The following CFAP54 variants were observed in gnomAD, a reference collection of about 807,000 sequenced individuals.
CFAP54 encodes the protein cilia- and flagella-associated protein 54.
A neutral mutation model predicts 370.4 loss-of-function variants in CFAP54; 290 were observed. The observed-to-expected ratio is 0.78, with a 90% CI of 0.71 to 0.86. CFAP54 has a LOEUF of 0.86. Ranked by LOEUF, CFAP54 falls within the 40% of genes least tolerant of loss-of-function variation. The pLI is 0.00. For synonymous variants in CFAP54, 1,206 were observed against 1,236.5 expected (o/e 0.98, Z 0.52); for missense variants, 3,399 against 3,528.7 (o/e 0.96, Z 0.93).
At chr12:96,626,017 C>T (rs1029665528) in intron 29 of CFAP54, among the ~76,000 whole-genome samples, 1 of 152,162 alleles carries the variant, frequency 6.6e-6, no homozygotes, top group African/African-American at 2.4e-5. Flanking sequence ...TCTGGAAAGA[C>T]AGAATCTTGA....
At position 96,784,836 on chromosome 12, in the gene CFAP54, C is replaced by T. The variant is rs975345166; in HGVS notation, c.8401C>T (p.Leu2801=). The change falls in exon 61 of 68, where the codon CTA becomes TTA. Residue 2801 remains leucine, a synonymous_variant. Transcript: ENST00000524981. The part of the protein sequence containing the change: ...QTKVDITWIL[L]LRYYIHLQRI... ...CAAAGTGGATATTACATGGATCCTTCTACTGCGCTACTATATTCACCTTCA... is the reference window on the plus strand; with the variant it reads ...CAAAGTGGATATTACATGGATCCTTTTACTGCGCTACTATATTCACCTTCA... 1.3e-6 allele frequency: 2 copies of T among 1,533,276 alleles called. No individual in the cohort carries two copies. Among genetic ancestry groups the T allele is most frequent in the Non-Finnish European group, 1.7e-6 (2 of 1,145,332 alleles). The allele number at this position is 1,533,276 out of a possible 1,614,324, so 95.0% of individuals were successfully genotyped here. A position where few individuals can be genotyped will look rare whatever the true frequency, so the allele number is the denominator to read the frequency against.
At chr12:96,527,549 GTTT>G (rs11309712) in intron 9 of CFAP54, 105 bp downstream of exon 9, 96 of 428,756 alleles carry the variant, frequency 2.2e-4, no homozygotes, top group South Asian at 6.1e-4. Flanking sequence ...CATTTATATT[GTTT>G]TTTTTTTTTT....
intron 26 of CFAP54, among the ~76,000 whole-genome samples, chr12:96,600,015 T>C (rs975951295): frequency 6.6e-6 from 1 of 152,206 alleles, no homozygotes; most frequent in African/African-American, 2.4e-5. Context: ...TTAGATTCCA[T>C]TTTTCTATTT....
intron 14 of CFAP54, among the ~76,000 whole-genome samples, chr12:96,543,279 G>A (rs1377296943): frequency 2.0e-5 from 3 of 152,230 alleles, no homozygotes; most frequent in Non-Finnish European, 2.9e-5. Context: ...ATCCAGGGAA[G>A]CACAGTGGAG....
chr12:96,805,106 C>T (rs1254964475), intron 63 of CFAP54, among the ~76,000 whole-genome samples: 1 of 151,950 alleles, frequency 6.6e-6, no homozygotes, highest in Non-Finnish European at 1.5e-5. Context: ...GGATTAATGA[C>T]CTAAACATAA....
Position 96,492,854 on chromosome 12 carries a change from C to T in CFAP54, c.317+2928C>T, listed in dbSNP as rs534852440. Among the ~76,000 whole-genome samples the T allele has an allele frequency of 1.1e-3, 165 of 152,054 alleles. 1 individual carries two copies. Among genetic ancestry groups the T allele is most frequent in the Non-Finnish European group, 1.7e-3 (116 of 67,990 alleles). ...CTAAAAAATACAAAAATTAGCCGGG[C>T]GTGGTGGTGTGTGCCTGTAATCCCA... On this transcript the variant is annotated intron_variant, in intron 1 of 67. Coordinates refer to ENST00000524981, the MANE Select transcript of CFAP54 (RefSeq NM_001306084.2).
intron 15 of CFAP54, among the ~76,000 whole-genome samples, chr12:96,550,202 A>AGAT (rs60387454): frequency 0.16 from 24,008 of 152,082 alleles, 2,985 homozygotes; most frequent in East Asian, 0.51. Flanking sequence ...AAAATCATAA[A>AGAT]GATGATGGTG....
chr12:96,686,784 A>G (rs911023347), intron 42 of CFAP54, among the ~76,000 whole-genome samples: 2 of 152,160 alleles, frequency 1.3e-5, no homozygotes, highest in Non-Finnish European at 2.9e-5. Flanking sequence ...TATTCAAACT[A>G]TATCACTAAG....
intron 63 of CFAP54, among the ~76,000 whole-genome samples, chr12:96,810,055 C>A (rs867796302): frequency 1.4e-4 from 22 of 151,978 alleles, no homozygotes; most frequent in Non-Finnish European, 2.6e-4. Flanking sequence ...AGAGAGGAGG[C>A]AAGGGAAAGG....
At chr12:96,786,121 A>G (rs1565977660) in intron 61 of CFAP54, among the ~76,000 whole-genome samples, 2 of 152,120 alleles carry the variant, frequency 1.3e-5, no homozygotes, top group Non-Finnish European at 2.9e-5. Context: ...AAATAGGTAC[A>G]TGGAATGTAT....
At chr12:96,612,736 A>G (rs1956372889) in intron 26 of CFAP54, among the ~76,000 whole-genome samples, 1 of 152,212 alleles carries the variant, frequency 6.6e-6, no homozygotes, top group Non-Finnish European at 1.5e-5. Context: ...AAGGAGTTGC[A>G]ATCCTAGTAA....
Position 96,544,422 on chromosome 12 carries a change from CT to C in CFAP54, c.2077+3436del, listed in dbSNP as rs1433008837. Among the ~76,000 whole-genome samples, 205 of 57,932 alleles carry C rather than the reference CT, an allele frequency of 3.5e-3. 2 individuals carry two copies. Among genetic ancestry groups the C allele is most frequent in the African/African-American group, 0.011 (197 of 18,320 alleles). The allele number at this position is 57,932 out of a possible 152,430, so 38.0% of individuals were successfully genotyped here. Reference sequence around the variant, plus strand: ...CAGAAAACAGAATATCTCTCTCTCTCTCTCTCTCTCTCTCTCTCTCTGACTT... The same window carrying C: ...CAGAAAACAGAATATCTCTCTCTCTCCTCTCTCTCTCTCTCTCTCTGACTT... On this transcript the variant is annotated intron_variant, in intron 14 of 67. Coordinates refer to ENST00000524981, the MANE Select transcript of CFAP54 (RefSeq NM_001306084.2).
Position 96,647,863 on chromosome 12 carries a change from C to T in CFAP54, c.4548-12C>T, listed in dbSNP as rs947377891. 8.8e-5 allele frequency: 131 copies of T among 1,483,012 alleles called. No homozygotes were observed. Among genetic ancestry groups the T allele is most frequent in the Non-Finnish European group, 1.1e-4 (129 of 1,126,788 alleles). The allele number at this position is 1,483,012 out of a possible 1,614,324, so 91.9% of individuals were successfully genotyped here. On this transcript the variant is annotated splice_polypyrimidine_tract_variant and intron_variant, in intron 33 of 67. Transcript: ENST00000524981. ...TATATTGTTTTTTAATATGATTTTT[C>T]CCCCCTTGCAGTTTCCGATCATGTG...
intron 65 of CFAP54, among the ~76,000 whole-genome samples, chr12:96,823,138 CTGTGTGTGTGTGTGTGTT>C (rs1959052037): frequency 6.8e-6 from 1 of 147,944 alleles, no homozygotes; most frequent in Non-Finnish European, 1.5e-5. Context: ...GTGTGTGTGT[CTGTGTGTGTGTGTGTGTT>C]TTGAGAGAGA....
chr12:96,611,606 T>G (rs1229202904), intron 26 of CFAP54, among the ~76,000 whole-genome samples: 1 of 152,126 alleles, frequency 6.6e-6, no homozygotes. Context: ...GGGAGGAAGT[T>G]AAAACCCATC....
At chr12:96,802,082 G>A (rs1265637002) in intron 63 of CFAP54, among the ~76,000 whole-genome samples, 1 of 152,022 alleles carries the variant, frequency 6.6e-6, no homozygotes, top group Non-Finnish European at 1.5e-5. Flanking sequence ...TTTAACGCTG[G>A]GCTGTGCCCC....
chr12:96,721,046 A>G (rs78103508), intron 50 of CFAP54, among the ~76,000 whole-genome samples: 13,073 of 152,192 alleles, frequency 0.086, 805 homozygotes, highest in South Asian at 0.28. Flanking sequence ...ACAGTTCTCA[A>G]TAAAGCAATT....
rs761506533 is a variant in CFAP54, at chr12:96,718,448, T to C, written c.6730T>C (p.Tyr2244His). 2 of 1,496,278 alleles carry C rather than the reference T, an allele frequency of 1.3e-6. No individual in the cohort carries two copies. The highest frequency in any genetic ancestry group is 3.4e-5 in the Admixed American group (2 of 59,464). 92.7% of individuals were successfully genotyped at this position (1,496,278 alleles called of 1,614,324 possible). ...AAAATTTTGTGTCTTTATAGAGATA[T>C]ATTCAAAGGATGATGGAAGTTCATT... ...KPNLPNLEEI[Y>H]SKDDGSSFYN... The change falls in exon 49 of 68, where the codon TAT becomes CAT. Residue 2244 changes from tyrosine to histidine, a missense_variant. Tyr to His is a moderately conservative substitution (Grantham distance 83). This residue lies in a region of CFAP54 where 2,796 missense variants were observed against 2,869.7 expected (regional missense o/e 0.97). Coordinates refer to ENST00000524981, the MANE Select transcript of CFAP54 (RefSeq NM_001306084.2).
At chr12:96,527,931 T>C (rs1181196426) in intron 9 of CFAP54, among the ~76,000 whole-genome samples, 2 of 152,220 alleles carry the variant, frequency 1.3e-5, no homozygotes, top group Non-Finnish European at 2.9e-5. Context: ...TTTCAAATAA[T>C]GTATTAGTAG....
Sources: gnomAD v4.1 joint callset for allele counts (sites outside exome capture counted in the v4.1 genomes callset) on GRCh38, gnomAD v4.1.1 for gene constraint, gnomAD v4.1.1 regional missense constraint, MANE v1.5 for transcripts, NCBI Gene and HGNC (gene_info 2026-07-23, HGNC 2026-07-21) for gene names.